GADL1: variants seen among roughly 807,000 people sequenced by gnomAD.
GADL1 encodes GAD like acidic amino acid decarboxylase 1.
A neutral mutation model predicts 69.5 loss-of-function variants in GADL1; 71 were observed. The observed-to-expected ratio is 1.02, with a 90% CI of 0.84 to 1.25. GADL1 has a LOEUF of 1.25. GADL1 is among the 50% of genes most tolerant of loss of function. The pLI is 0.00. For synonymous variants in GADL1, 254 were observed against 214.4 expected (o/e 1.18, Z -1.62); for missense variants, 737 against 631.8 (o/e 1.17, Z -1.79).
At chr3:30,812,460 C>T (rs1697375532) in intron 11 of GADL1, among the ~76,000 whole-genome samples, 1 of 152,128 alleles carries the variant, frequency 6.6e-6, no homozygotes, top group African/African-American at 2.4e-5. Context: ...GACAAGAGAA[C>T]TTGTGCAGGG....
At chr3:30,770,807 CAG>C (rs1372825339) in intron 14 of GADL1, among the ~76,000 whole-genome samples, 4 of 136,744 alleles carry the variant, frequency 2.9e-5, no homozygotes, top group Admixed American at 6.7e-5. Context: ...AACAATCCAA[CAG>C]AAACAAGAGA....
rs1308631477 is a variant in GADL1 at position 30,760,122 on chromosome 3, ATTCT to A, written c.1392+18053_1392+18056del. Among the ~76,000 whole-genome samples, 6 of 152,324 alleles carry A rather than the reference ATTCT, an allele frequency of 3.9e-5. No individual in the cohort carries two copies. The East Asian group carries it at 9.6e-4, about 24-fold the overall frequency. ...AATAAGTCATGTTTCTAGAGAAATA[ATTCT>A]TTCAAAGAAAACTTGGATGTACCAG... On this transcript the variant is annotated intron_variant, in intron 14 of 14. Coordinates refer to ENST00000282538, the MANE Select transcript of GADL1 (RefSeq NM_207359.3).
At chr3:30,756,814 C>T (rs1695985729) in intron 14 of GADL1, among the ~76,000 whole-genome samples, 1 of 152,124 alleles carries the variant, frequency 6.6e-6, no homozygotes. Flanking sequence ...GCTTGTCTCT[C>T]TTACACTTGC....
intron 13 of GADL1, 23 bp downstream of exon 13, chr3:30,786,332 A>G: frequency 6.7e-7 from 1 of 1,492,308 alleles, no homozygotes; most frequent in South Asian, 1.1e-5. Context: ...CAAAATCACA[A>G]GCACAATTAT....
intron 1 of GADL1, among the ~76,000 whole-genome samples, chr3:30,884,668 G>A (rs1023957189): frequency 6.6e-6 from 1 of 151,932 alleles, no homozygotes; most frequent in Non-Finnish European, 1.5e-5. Flanking sequence ...AAAAGTCAAA[G>A]GTGTCCCTTC....
At chr3:30,782,652 T>G (rs1696691635) in intron 13 of GADL1, among the ~76,000 whole-genome samples, 1 of 152,108 alleles carries the variant, frequency 6.6e-6, no homozygotes, top group Admixed American at 6.6e-5. Flanking sequence ...ATAACAAAGT[T>G]CTGAATGTGA....
At chr3:30,785,026 T>A (rs1394048243) in intron 13 of GADL1, among the ~76,000 whole-genome samples, 4 of 152,224 alleles carry the variant, frequency 2.6e-5, no homozygotes, top group Non-Finnish European at 4.4e-5. Flanking sequence ...TTTATCTTTA[T>A]TCAGGTCTCA....
chr3:30,810,272 T>A (rs1034452310), intron 11 of GADL1, among the ~76,000 whole-genome samples: 1 of 152,226 alleles, frequency 6.6e-6, no homozygotes, highest in African/African-American at 2.4e-5. Context: ...TTCCTCTCGC[T>A]TCAGTTAATT....
intron 14 of GADL1, among the ~76,000 whole-genome samples, chr3:30,742,701 G>A (rs1379846783): frequency 6.6e-6 from 1 of 151,596 alleles, no homozygotes; most frequent in Admixed American, 6.6e-5. Flanking sequence ...TTAAGGGGAA[G>A]GTATTTCATG....
chr3:30,784,145 T>C (rs1226545422), intron 13 of GADL1, among the ~76,000 whole-genome samples: 2 of 152,230 alleles, frequency 1.3e-5, no homozygotes, highest in Non-Finnish European at 2.9e-5. Context: ...AGACATTTTC[T>C]TACATGTTTA....
intron 14 of GADL1, 56 bp downstream of exon 14, chr3:30,778,123 A>G (rs1696578952): frequency 1.0e-6 from 1 of 953,534 alleles, no homozygotes; most frequent in South Asian, 1.3e-5. Flanking sequence ...ATCAACAGAT[A>G]ATGTACACTG....
intron 13 of GADL1, among the ~76,000 whole-genome samples, chr3:30,782,133 A>G (rs909289666): frequency 6.6e-6 from 1 of 152,200 alleles, no homozygotes; most frequent in Non-Finnish European, 1.5e-5. Flanking sequence ...GAGTCATGTC[A>G]TGAAGGACTT....
At chr3:30,881,543 C>T (rs549558440) in intron 1 of GADL1, among the ~76,000 whole-genome samples, 16 of 151,634 alleles carry the variant, frequency 1.1e-4, no homozygotes, top group African/African-American at 3.9e-4. Flanking sequence ...CATGGGAGAC[C>T]CTGATGAGGG....
intron 11 of GADL1, among the ~76,000 whole-genome samples, chr3:30,824,721 T>C (rs1055607252): frequency 6.6e-6 from 1 of 150,536 alleles, no homozygotes; most frequent in Non-Finnish European, 1.5e-5. Flanking sequence ...TTGTATAAAA[T>C]TCAAAAACTA....
chr3:30,754,630 T>C (rs1336956778), intron 14 of GADL1, among the ~76,000 whole-genome samples: 1 of 101,480 alleles, frequency 9.9e-6, no homozygotes, highest in East Asian at 2.7e-4. Flanking sequence ...GAGCCAAGAA[T>C]ACAAAAAAAA....
intron 1 of GADL1, 97 bp downstream of exon 1, chr3:30,894,481 A>C: frequency 9.8e-7 from 1 of 1,023,498 alleles, no homozygotes; most frequent in South Asian, 1.6e-5. Flanking sequence ...TTTACAAAGA[A>C]ATAACCAAAC....
At chr3:30,867,216 G>A (rs561514990) in intron 1 of GADL1, among the ~76,000 whole-genome samples, 6 of 151,878 alleles carry the variant, frequency 4.0e-5, no homozygotes, top group African/African-American at 1.4e-4. Flanking sequence ...AAAATTTCAG[G>A]AAGTATTCCC....
At chr3:30,772,482 C>T (rs559233056) in intron 14 of GADL1, among the ~76,000 whole-genome samples, 1 of 152,270 alleles carries the variant, frequency 6.6e-6, no homozygotes, top group East Asian at 1.9e-4. Context: ...CTTATCTTTG[C>T]ATTCTATCCT....
chr3:30,746,147 C>T (rs778137796), intron 14 of GADL1, among the ~76,000 whole-genome samples: 2 of 151,924 alleles, frequency 1.3e-5, no homozygotes, highest in African/African-American at 2.4e-5. Context: ...TGCCACCATG[C>T]CTGGCTAATT....
Sources: gnomAD v4.1 joint callset for allele counts (sites outside exome capture counted in the v4.1 genomes callset) on GRCh38, gnomAD v4.1.1 for gene constraint, MANE v1.5 for transcripts, NCBI Gene and HGNC (gene_info 2026-07-23, HGNC 2026-07-21) for gene names.